ARIH1: variants seen among roughly 807,000 people sequenced by gnomAD.
ARIH1 encodes ariadne RBR E3 ubiquitin protein ligase 1, also known as E3 ubiquitin-protein ligase ARIH1.
A neutral mutation model predicts 85.0 loss-of-function variants in ARIH1; 8 were observed. The ratio of observed to expected loss-of-function variants is 0.09; its 90% CI spans 0.06 to 0.17. The LOEUF is 0.17. Ranked by LOEUF, ARIH1 falls within the 10% of genes least tolerant of loss-of-function variation. ARIH1 has a pLI of 1.00. For synonymous variants in ARIH1, 238 were observed against 253.6 expected (o/e 0.94, Z 0.59); for missense variants, 311 against 718.1 (o/e 0.43, Z 6.48).
chr15:72,475,049 C>G (rs766166407), intron 1 of ARIH1, 35 bp downstream of exon 1: 2 of 1,546,484 alleles, frequency 1.3e-6, no homozygotes, highest in South Asian at 2.4e-5. Flanking sequence ...GGACCGGGCC[C>G]GACGGGGGAG....
chr15:72,566,704 A>T, intron 8 of ARIH1, 99 bp downstream of exon 8: 1 of 955,420 alleles, frequency 1.0e-6, no homozygotes, highest in Non-Finnish European at 1.5e-6. Flanking sequence ...ATCTATTGAT[A>T]GATTTTTTTT....
intron 3 of ARIH1, among the ~76,000 whole-genome samples, chr15:72,546,674 T>C (rs933781060): frequency 3.3e-5 from 5 of 151,034 alleles, no homozygotes; most frequent in African/African-American, 1.2e-4. Flanking sequence ...TGTGTGTGTG[T>C]TTTGTTTGTT....
At chr15:72,546,426 G>A (rs1457767743) in intron 3 of ARIH1, among the ~76,000 whole-genome samples, 1 of 152,152 alleles carries the variant, frequency 6.6e-6, no homozygotes, top group East Asian at 1.9e-4. Flanking sequence ...AGTTCTGATC[G>A]TAACTCTAAC....
Position 72,582,224 on chromosome 15 carries a change from C to A in ARIH1, c.1589+37C>A. The A allele has an allele frequency of 7.0e-7, 1 of 1,423,196 alleles. No homozygotes were observed. Among genetic ancestry groups the A allele is most frequent in the Non-Finnish European group, 9.9e-7 (1 of 1,014,324 alleles). 88.2% of individuals were successfully genotyped at this position (1,423,196 alleles called of 1,614,324 possible). ...TTAAGCTGTTGAATAAAACTTTCTGCCAGTGATGATCCTTACTGGTAAAGT... is the reference window on the plus strand; with the variant it reads ...TTAAGCTGTTGAATAAAACTTTCTGACAGTGATGATCCTTACTGGTAAAGT... On this transcript the variant is annotated intron_variant, in intron 13 of 13. Coordinates refer to ENST00000379887, the MANE Select transcript of ARIH1 (RefSeq NM_005744.5). This position sits in a 1 kb window ranked among gnomAD's most constrained non-coding sequence, Gnocchi z 4.6.
At chr15:72,511,215 G>A (rs1199674021) in intron 1 of ARIH1, among the ~76,000 whole-genome samples, 2 of 152,046 alleles carry the variant, frequency 1.3e-5, no homozygotes, top group African/African-American at 4.8e-5. Flanking sequence ...TGTATTTCAC[G>A]TTTTGGTGCT....
In ARIH1 at chr15:72,534,959, C is replaced by CTTTTT. The variant is rs59841210; in HGVS notation, c.444-9854_444-9850dup. 4.2e-4 allele frequency among the ~76,000 whole-genome samples: 31 copies of CTTTTT among 73,912 alleles called. 12 individuals carry two copies. The highest frequency in any genetic ancestry group is 3.1e-3 in the South Asian group (3 of 980). The allele number at this position is 73,912 out of a possible 152,430, so 48.5% of individuals were successfully genotyped here. ...CCTATGTCTTCTTATTGTCTGTATT[C>CTTTTT]TTTTTTTTTTTGAGACGGAGTCTCG... is the stretch of plus-strand genomic sequence containing the variant. On this transcript the variant is annotated intron_variant, in intron 2 of 13. Transcript: ENST00000379887.
Position 72,563,508 on chromosome 15 carries a change from A to G in ARIH1, c.911+8A>G, listed in dbSNP as rs1237034225. On this transcript the variant is annotated splice_region_variant and intron_variant, in intron 7 of 13. Transcript: ENST00000379887. ...ATGTGGGCGCCAATTTTGGTAAGCA[A>G]GTGATTTCCTAAATTGAAATAGTGC... 2 of 1,604,616 alleles carry G rather than the reference A, an allele frequency of 1.2e-6. No homozygotes were observed. The highest frequency in any genetic ancestry group is 1.7e-6 in the Non-Finnish European group (2 of 1,171,354).
At position 72,587,336 on chromosome 15, in the gene ARIH1, G is replaced by A. The variant is rs1331609791; in HGVS notation, c.*4044G>A. Reference sequence around the variant, plus strand: ...TATTGTACTTTTAAACCACATTAAAGACTATTATAAATGCCTATCACTGCT... The same window carrying A: ...TATTGTACTTTTAAACCACATTAAAAACTATTATAAATGCCTATCACTGCT... On this transcript the variant is annotated 3_prime_UTR_variant, in exon 14 of 14. Transcript: ENST00000379887. 2 of 489,276 alleles carry A rather than the reference G, an allele frequency of 4.1e-6. No homozygotes were observed. Among genetic ancestry groups the A allele is most frequent in the Admixed American group, 2.2e-5 (1 of 46,304 alleles). 30.3% of individuals were successfully genotyped at this position (489,276 alleles called of 1,614,324 possible).
intron 1 of ARIH1, among the ~76,000 whole-genome samples, chr15:72,507,616 A>C (rs1321325196): frequency 3.3e-5 from 5 of 152,120 alleles, no homozygotes; most frequent in African/African-American, 1.2e-4. Context: ...GGAGGATTGC[A>C]TGAGCCCAGG....
chr15:72,544,772 C>T, intron 2 of ARIH1, 48 bp from the exon 3 acceptor site: 2 of 1,548,642 alleles, frequency 1.3e-6, no homozygotes, highest in Non-Finnish European at 1.8e-6. Context: ...AGAGCTCTAA[C>T]AGTGTGCAAG....
intron 2 of ARIH1, among the ~76,000 whole-genome samples, chr15:72,532,643 A>G (rs1231985829): frequency 1.3e-5 from 2 of 152,232 alleles, no homozygotes; most frequent in Admixed American, 1.3e-4. Flanking sequence ...CAAAAAAACC[A>G]TACATACACA....
intron 6 of ARIH1, among the ~76,000 whole-genome samples, chr15:72,561,947 T>TGG (rs2140432256): frequency 6.6e-6 from 1 of 152,308 alleles, no homozygotes; most frequent in Non-Finnish European, 1.5e-5. Context: ...CACTCCAGCC[T>TGG]GGGTGACAGA....
At chr15:72,481,995 C>G (rs1358137387) in intron 1 of ARIH1, among the ~76,000 whole-genome samples, 2 of 152,070 alleles carry the variant, frequency 1.3e-5, no homozygotes, top group Non-Finnish European at 2.9e-5. Context: ...CACCACTACG[C>G]CCGGCTAATT....
intron 11 of ARIH1, among the ~76,000 whole-genome samples, chr15:72,573,477 C>T (rs957823536): frequency 1.1e-4 from 16 of 152,096 alleles, no homozygotes; most frequent in African/African-American, 3.6e-4. Flanking sequence ...AAGAGAATCG[C>T]TTGAACCCAG....
intron 10 of ARIH1, among the ~76,000 whole-genome samples, chr15:72,571,347 A>G (rs1423756229): frequency 1.3e-5 from 2 of 152,148 alleles, no homozygotes; most frequent in East Asian, 3.9e-4. Flanking sequence ...AAAATGTTTA[A>G]GGGATTAAAT....
At chr15:72,517,429 ATTTT>A (rs386383464) in intron 1 of ARIH1, among the ~76,000 whole-genome samples, 1 of 146,526 alleles carries the variant, frequency 6.8e-6, no homozygotes, top group African/African-American at 2.5e-5. Flanking sequence ...TTTAAAACAA[ATTTT>A]TTTTTTTTTG....
intron 5 of ARIH1, 31 bp downstream of exon 5, chr15:72,555,938 A>G (rs375796535): frequency 5.7e-6 from 9 of 1,585,120 alleles, no homozygotes; most frequent in Non-Finnish European, 7.8e-6. Context: ...CTGCATGTGA[A>G]TATTGGTTAG....
chr15:72,594,696 T>C lies in ARIH1; in HGVS notation c.*11404T>C, dbSNP rs183696681. ...GAATCGTGCCACCTTGCTAAATTCA[T>C]TTATTCTAGAAATAGTTCTTGTAGA... is the stretch of plus-strand genomic sequence containing the variant. On this transcript the variant is annotated 3_prime_UTR_variant, in exon 14 of 14. Transcript: ENST00000379887. The C allele has an allele frequency of 7.2e-4, 109 of 152,242 alleles. No homozygotes were observed. Among genetic ancestry groups the C allele is most frequent in the African/African-American group, 2.5e-3 (105 of 41,542 alleles). 9.4% of individuals were successfully genotyped at this position (152,242 alleles called of 1,614,324 possible).
At chr15:72,517,215 C>T (rs2063978960) in intron 1 of ARIH1, among the ~76,000 whole-genome samples, 1 of 152,040 alleles carries the variant, frequency 6.6e-6, no homozygotes, top group African/African-American at 2.4e-5. Context: ...TCTGAAGTAT[C>T]CTTCTAACTT....
Sources: allele counts gnomAD v4.1 joint callset (sites outside exome capture counted in the v4.1 genomes callset), GRCh38; gene constraint gnomAD v4.1.1; non-coding constraint Gnocchi (gnomAD v3.1); transcripts MANE v1.5; gene names NCBI Gene and HGNC (gene_info 2026-07-23, HGNC 2026-07-21).